Variants in PRAMEF14 observed in about 807,000 individuals in gnomAD.
The protein encoded by PRAMEF14 is PRAME family member 14.
A neutral mutation model predicts 38.3 loss-of-function variants in PRAMEF14; 24 were observed. The observed-to-expected ratio is 0.63, with a 90% CI of 0.45 to 0.88. The LOEUF is 0.88. Among genes scored for constraint, PRAMEF14 ranks in the 40% least tolerant of loss-of-function variants. PRAMEF14 has a pLI of 0.00. For missense variants in PRAMEF14, 477 were observed against 570.8 expected, an observed-to-expected ratio of 0.84 and a Z score of 1.67; for synonymous variants, 194 against 226.4, an observed-to-expected ratio of 0.86 and a Z score of 1.29.
chr1:13,342,237 C>T lies in PRAMEF14; in HGVS notation c.*291G>A, dbSNP rs1228774497. 2 of 499,658 alleles carry T rather than the reference C, an allele frequency of 4.0e-6. No individual in the cohort carries two copies. The highest frequency in any genetic ancestry group is 6.8e-6 in the Non-Finnish European group (2 of 292,982). 31.0% of individuals were successfully genotyped at this position (499,658 alleles called of 1,614,324 possible). On this transcript the variant is annotated 3_prime_UTR_variant, in exon 4 of 4. Transcript: ENST00000334600. ...TTTTTCCCTCACACTGAGCACTTCC[C>T]TGTGCTTCCTTTAAGTTGCATGTGG...
intron 1 of PRAMEF14, among the ~76,000 whole-genome samples, chr1:13,345,778 C>G (rs1312615376): frequency 6.6e-6 from 1 of 151,862 alleles, no homozygotes; most frequent in Admixed American, 6.6e-5. Flanking sequence ...CCAAGGCAGG[C>G]AGATCACTTG....
chr1:13,347,105 G>A lies in PRAMEF14; in HGVS notation c.-74C>T, dbSNP rs1205795311. 6.7e-6 allele frequency: 1 copy of A among 149,900 alleles called. No homozygotes were observed. Among genetic ancestry groups the A allele is most frequent in the South Asian group, 2.1e-4 (1 of 4,666 alleles). The allele number at this position is 149,900 out of a possible 1,614,324, so 9.3% of individuals were successfully genotyped here. A position where few individuals can be genotyped will look rare whatever the true frequency, so the allele number is the denominator to read the frequency against. The stretch of plus-strand genomic sequence containing the variant: ...GTTCTGGGACCTCTCAGGGAACCAA[G>A]CAGTAGCTCCAGGAATGAGTGCTGT... On this transcript the variant is annotated 5_prime_UTR_variant, in exon 1 of 4. Transcript: ENST00000334600.
At position 13,344,193 on chromosome 1, in the gene PRAMEF14, G is replaced by A. The variant is rs1277314846; in HGVS notation, c.711C>T (p.Leu237=). The stretch of plus-strand genomic sequence containing the variant: ...TGGAATGATGGCACCTGGAGAAAAC[G>A]AGTTTGCGAAGATTCTTCATCTCCT... ...YLKEMKNLRK[L]VFSRCHHSMS... is the part of the protein sequence containing the mutation. Residue 237 remains leucine, a synonymous_variant, in exon 3 of 4, where the codon CTC becomes CTT. Coordinates refer to ENST00000334600, the MANE Select transcript of PRAMEF14 (RefSeq NM_001024661.2). 1.4e-5 allele frequency: 23 copies of A among 1,608,554 alleles called. 1 individual carries two copies. The highest frequency in any genetic ancestry group is 9.5e-5 in the East Asian group (4 of 42,284).
intron 1 of PRAMEF14, among the ~76,000 whole-genome samples, chr1:13,346,108 C>G (rs1485666861): frequency 2.0e-5 from 3 of 150,994 alleles, no homozygotes; most frequent in African/African-American, 7.3e-5. Flanking sequence ...GCACTCCAGT[C>G]TGGGTGACAC....
rs1187172561 is a variant in PRAMEF14, at chr1:13,342,477, A to C, written c.*51T>G. On this transcript the variant is annotated 3_prime_UTR_variant, in exon 4 of 4. Coordinates refer to ENST00000334600, the MANE Select transcript of PRAMEF14 (RefSeq NM_001024661.2). ...CCTACATAGTAGATTTTAGTGTCCC[A>C]GTGCCTGGAAGAGAACTTTGGATTT... is the stretch of plus-strand genomic sequence containing the variant. 6.2e-7 allele frequency: 1 copy of C among 1,601,118 alleles called. No homozygotes were observed. The highest frequency in any genetic ancestry group is 1.3e-5 in the African/African-American group (1 of 74,694).
In PRAMEF14 at chr1:13,342,593, G is replaced by A; in HGVS notation, c.1360C>T (p.Pro454Ser). The change falls in exon 4 of 4, where the codon CCC becomes TCC. Residue 454 changes from proline to serine, a missense_variant. Pro to Ser is a moderately conservative substitution (Grantham distance 74). This residue lies in a region of PRAMEF14 where 151 missense variants were observed against 137.4 expected (regional missense o/e 1.10). Coordinates refer to ENST00000334600, the MANE Select transcript of PRAMEF14 (RefSeq NM_001024661.2). The stretch of plus-strand genomic sequence containing the variant: ...GAGCCACAGGAAGGGCAGGGGGTGG[G>A]ACCAATGAAGATCCTCTTGGGCTGC... Reference protein sequence around the residue: ...VRQPKRIFIGPTPCPSCGSSP... With the variant: ...VRQPKRIFIGSTPCPSCGSSP... The A allele has an allele frequency of 1.2e-6, 2 of 1,604,580 alleles. No homozygotes were observed. Among genetic ancestry groups the A allele is most frequent in the Non-Finnish European group, 1.7e-6 (2 of 1,177,556 alleles).
intron 3 of PRAMEF14, chr1:13,343,593 A>G (rs1268673359): frequency 3.0e-6 from 4 of 1,313,072 alleles, no homozygotes; most frequent in Non-Finnish European, 4.0e-6. Context: ...CCTTTTACAA[A>G]CAGGGAATCA....
rs774695710 is a variant in PRAMEF14, at chr1:13,342,994, C to T, written c.959G>A (p.Gly320Asp). ...MKCLSQYPSL[G>D]YLKHLNLSYV... ...GCTGAGATTCAGATGCTTTAGGTAACCGAGGCTTGGGTACTGGGAGAGACA... is the reference window on the plus strand; with the variant it reads ...GCTGAGATTCAGATGCTTTAGGTAATCGAGGCTTGGGTACTGGGAGAGACA... The change falls in exon 4 of 4, where the codon GGT becomes GAT. Residue 320 changes from glycine (G) to aspartate (D), a missense_variant. Around this residue, in one of 4 missense-constraint regions of PRAMEF14, gnomAD observed 34 missense variants for 66.1 expected, o/e 0.51. Coordinates refer to ENST00000334600, the MANE Select transcript of PRAMEF14 (RefSeq NM_001024661.2). 6 of 1,610,976 alleles carry T rather than the reference C, an allele frequency of 3.7e-6. No homozygotes were observed. Among genetic ancestry groups the T allele is most frequent in the Middle Eastern group, 1.8e-4 (1 of 5,538 alleles).
In PRAMEF14 at chr1:13,343,471, C is replaced by T. The variant is rs1221473683; in HGVS notation, c.867-385G>A. 6 of 611,094 alleles carry T rather than the reference C, an allele frequency of 9.8e-6. 1 individual carries two copies. The highest frequency in any genetic ancestry group is 1.6e-5 in the Non-Finnish European group (6 of 370,850). 37.9% of individuals were successfully genotyped at this position (611,094 alleles called of 1,614,324 possible). A position where few individuals can be genotyped will look rare whatever the true frequency, so the allele number is the denominator to read the frequency against. On this transcript the variant is annotated intron_variant, in intron 3 of 3. Transcript: ENST00000334600. ...TGTCGGCAGGGGCTCCCTGACATGCCTGCATCTGCAAACCAACTGTCACTT... is the reference window on the plus strand; with the variant it reads ...TGTCGGCAGGGGCTCCCTGACATGCTTGCATCTGCAAACCAACTGTCACTT...
rs1330706557 is a variant in PRAMEF14, at chr1:13,345,441, G to T, written c.-25-102C>A. The T allele has an allele frequency of 1.6e-3, 2,191 of 1,374,008 alleles. 17 individuals carry two copies. Among genetic ancestry groups the T allele is most frequent in the South Asian group, 0.012 (884 of 71,628 alleles). The allele number at this position is 1,374,008 out of a possible 1,614,324, so 85.1% of individuals were successfully genotyped here. On this transcript the variant is annotated intron_variant, in intron 1 of 3. Transcript: ENST00000334600. The stretch of plus-strand genomic sequence containing the variant: ...ATGTCTTCCAAACACCAAGGAGGGA[G>T]GGGTCAAGGAGACCACTGGCTTATT...
Position 13,346,770 on chromosome 1 carries a change from A to T in PRAMEF14, c.-26+287T>A, listed in dbSNP as rs1305356042. ...AACTGTAATTGAAGGGCACAAAAAC[A>T]GATAACTTCAAATGTCAAGAAATAA... On this transcript the variant is annotated intron_variant, in intron 1 of 3. Coordinates refer to ENST00000334600, the MANE Select transcript of PRAMEF14 (RefSeq NM_001024661.2). Among the ~76,000 whole-genome samples, 81 of 149,628 alleles carry T rather than the reference A, an allele frequency of 5.4e-4. 1 individual carries two copies. Among genetic ancestry groups the T allele is most frequent in the African/African-American group, 1.9e-3 (79 of 41,172 alleles).
At position 13,344,127 on chromosome 1, in the gene PRAMEF14, G is replaced by A. The variant is rs1640368127; in HGVS notation, c.777C>T (p.Phe259=). ...NELEGRLVTK[F]SSVFLRLEHL... ...GTTCCAGCCTGAGGAACACAGAGCT[G>A]AATTTGGTGACTAACCGTCCTTCGA... Residue 259 remains phenylalanine (F), a synonymous_variant, in exon 3 of 4, where the codon TTC becomes TTT. Coordinates refer to ENST00000334600, the MANE Select transcript of PRAMEF14 (RefSeq NM_001024661.2). The A allele has an allele frequency of 1.2e-6, 2 of 1,606,496 alleles. No homozygotes were observed. Among genetic ancestry groups the A allele is most frequent in the Admixed American group, 3.3e-5 (2 of 59,856 alleles).
chr1:13,344,806 A>G (rs1569816063), intron 2 of PRAMEF14, among the ~76,000 whole-genome samples, 190 bp from the exon 3 acceptor site: 1 of 149,984 alleles, frequency 6.7e-6, no homozygotes, highest in South Asian at 2.2e-4. Flanking sequence ...TATTCCCTTT[A>G]CCTTCCACTG....
rs1356754467 is a variant in PRAMEF14, at chr1:13,344,200, C to T, written c.704G>A (p.Arg235His). The part of the protein sequence containing the change: ...RCYLKEMKNL[R>H]KLVFSRCHHS... ...ATGGCACCTGGAGAAAACGAGTTTG[C>T]GAAGATTCTTCATCTCCTTCAGGTA... The change falls in exon 3 of 4, where the codon CGC becomes CAC. Residue 235 changes from arginine (R) to histidine (H), a missense_variant. This residue lies in a region of PRAMEF14 where 234 missense variants were observed against 247.4 expected (regional missense o/e 0.95). Transcript: ENST00000334600. 332 of 1,608,546 alleles carry T rather than the reference C, an allele frequency of 2.1e-4. 8 individuals are homozygous for T. Among genetic ancestry groups the T allele is most frequent in the Non-Finnish European group, 2.7e-4 (316 of 1,178,664 alleles).
Position 13,344,289 on chromosome 1 carries a change from A to G in PRAMEF14, c.615T>C (p.Asn205=), listed in dbSNP as rs1640371853. The G allele has an allele frequency of 5.6e-6, 9 of 1,606,202 alleles. No individual in the cohort carries two copies. Among genetic ancestry groups the G allele is most frequent in the South Asian group, 4.4e-5 (4 of 90,572 alleles). ...LRKSLKIIYL[N]SIQQLEIRNM... ...TGCGAATTTCCAGCTGTTGAATACTATTCAGGTATATTATTTTCAATGACT... is the reference window on the plus strand; with the variant it reads ...TGCGAATTTCCAGCTGTTGAATACTGTTCAGGTATATTATTTTCAATGACT... Residue 205 remains asparagine, a synonymous_variant, in exon 3 of 4, where the codon AAT becomes AAC. Coordinates refer to ENST00000334600, the MANE Select transcript of PRAMEF14 (RefSeq NM_001024661.2).
chr1:13,346,420 A>T (rs1640405631), intron 1 of PRAMEF14, among the ~76,000 whole-genome samples: 1 of 150,414 alleles, frequency 6.6e-6, no homozygotes, highest in African/African-American at 2.4e-5. Context: ...AAGCAGGAGA[A>T]TCGCATGTAA....
chr1:13,345,345 A>G lies in PRAMEF14; in HGVS notation c.-25-6T>C, dbSNP rs1348665435. On this transcript the variant is annotated splice_region_variant and splice_polypyrimidine_tract_variant and intron_variant, in intron 1 of 3. Coordinates refer to ENST00000334600, the MANE Select transcript of PRAMEF14 (RefSeq NM_001024661.2). ...TAGATCTGCAAGAAAAATCTCTAGA[A>G]GACAAATCCAGGGAAAATGTATCAC... The G allele has an allele frequency of 1.2e-6, 2 of 1,602,650 alleles. No individual in the cohort carries two copies. The highest frequency in any genetic ancestry group is 4.8e-5 in the East Asian group (2 of 41,672).
rs1384224607 is a variant in PRAMEF14 at position 13,343,965 on chromosome 1, G to A, written c.866+73C>T. On this transcript the variant is annotated intron_variant, in intron 3 of 3. Coordinates refer to ENST00000334600, the MANE Select transcript of PRAMEF14 (RefSeq NM_001024661.2). ...TGCCACTGGCTGGCACACAGTACAC[G>A]CCTTCTAATGTTTGCTGTAACAGAA... is the stretch of plus-strand genomic sequence containing the variant. 40 of 1,596,996 alleles carry A rather than the reference G, an allele frequency of 2.5e-5. 2 individuals carry two copies. Among genetic ancestry groups the A allele is most frequent in the South Asian group, 5.6e-5 (5 of 89,780 alleles).
At position 13,342,960 on chromosome 1, in the gene PRAMEF14, C is replaced by T. The variant is rs947166725; in HGVS notation, c.993G>A (p.Leu331=). The part of the protein sequence containing the change: ...YLKHLNLSYV[L]LFRISLEPLG... ...GGGGTTCAAGACTGATGCGGAACAG[C>T]AGCACGTAGCTGAGATTCAGATGCT... Residue 331 remains leucine (L), a synonymous_variant, in exon 4 of 4, where the codon CTG becomes CTA. Coordinates refer to ENST00000334600, the MANE Select transcript of PRAMEF14 (RefSeq NM_001024661.2). The T allele has an allele frequency of 5.0e-6, 8 of 1,608,566 alleles. 1 individual carries two copies. The highest frequency in any genetic ancestry group is 6.8e-6 in the Non-Finnish European group (8 of 1,178,310).
Sources: gnomAD v4.1 joint callset for allele counts (sites outside exome capture counted in the v4.1 genomes callset) on GRCh38, gnomAD v4.1.1 for gene constraint, gnomAD v4.1.1 regional missense constraint, MANE v1.5 for transcripts, NCBI Gene and HGNC (gene_info 2026-07-23, HGNC 2026-07-21) for gene names.